GON4L: variants seen among roughly 807,000 people sequenced by gnomAD.
The protein encoded by GON4L is gon-4 like.
Under a neutral mutation model 211.8 loss-of-function variants are expected in GON4L, and 87 were observed. The ratio of observed to expected loss-of-function variants is 0.41; its 90% confidence interval spans 0.35 to 0.49. The LOEUF is 0.49. GON4L is among the 20% of genes least tolerant of loss of function. The pLI, the probability that GON4L is intolerant of heterozygous loss-of-function variation, is 0.15. For missense variants in GON4L, 2,155 were observed against 2,659.5 expected, an observed-to-expected ratio of 0.81 and a Z score of 4.17; for synonymous variants, 875 against 962.6, an observed-to-expected ratio of 0.91 and a Z score of 1.68.
In GON4L at chr1:155,757,470, A is replaced by G. The variant is rs561084975; in HGVS notation, c.5254-147T>C. 4.9e-5 allele frequency: 35 copies of G among 709,012 alleles called. No homozygotes were observed. The South Asian group carries it at 6.3e-4, about 13-fold the overall frequency. 43.9% of individuals were successfully genotyped at this position (709,012 alleles called of 1,614,324 possible). A position where few individuals can be genotyped will look rare whatever the true frequency, so the allele number is the denominator to read the frequency against. ...CTGCCTGGTAACAAAGAATACTAAA[A>G]CTTTCTCTTCCTCCTTAGCTGCCTA... On this transcript the variant is annotated intron_variant, in intron 25 of 31. Transcript: ENST00000368331.
chr1:155,830,306 C>G (rs1669637265), intron 2 of GON4L, among the ~76,000 whole-genome samples: 1 of 150,948 alleles, frequency 6.6e-6, no homozygotes, highest in South Asian at 2.1e-4. Flanking sequence ...AGACGGAGTT[C>G]CATTCTTGTT....
At chr1:155,798,974 C>T (rs1224151506) in intron 11 of GON4L, among the ~76,000 whole-genome samples, 2 of 152,146 alleles carry the variant, frequency 1.3e-5, no homozygotes, top group Admixed American at 6.5e-5. Flanking sequence ...AATATGTCCT[C>T]TGAGCTTAAT....
intron 28 of GON4L, chr1:155,754,018 T>G (rs2101627476): frequency 1.4e-5 from 5 of 361,448 alleles, no homozygotes; most frequent in South Asian, 1.1e-4. Context: ...CAACTCCTTC[T>G]CTCACCAAGA....
At position 155,775,141 on chromosome 1, in the gene GON4L, G is replaced by A. The variant is rs143524723; in HGVS notation, c.2211C>T (p.Ile737=). 15 of 1,614,078 alleles carry A rather than the reference G, an allele frequency of 9.3e-6. No homozygotes were observed. The African/African-American group carries it at 9.3e-5, about 10-fold the overall frequency. ...KELGTFAQSS[I]ALHHQYNPKF... The stretch of plus-strand genomic sequence containing the variant: ...TGGGGTTGTACTGATGGTGAAGGGC[G>A]ATGGAGCTTTGAGCAAAGGTTCCCA... The change falls in exon 17 of 32, where the codon ATC becomes ATT. Residue 737 remains isoleucine (I), a synonymous_variant. Transcript: ENST00000368331.
intron 14 of GON4L, among the ~76,000 whole-genome samples, chr1:155,778,046 TA>T (rs1179922762): frequency 6.6e-6 from 1 of 152,122 alleles, no homozygotes; most frequent in Non-Finnish European, 1.5e-5. Context: ...CCCATTCCTC[TA>T]AAATTCCTCT....
chr1:155,816,229 T>C lies in GON4L; in HGVS notation c.1048A>G (p.Lys350Glu). ...AAGTTTACCTTAATTTCATTGGCCTTCTTAATTGGTGAAATATTCCATGTT... is the reference window on the plus strand; with the variant it reads ...AAGTTTACCTTAATTTCATTGGCCTCCTTAATTGGTGAAATATTCCATGTT... The part of the protein sequence containing the change: ...IPTWNISPIK[K>E]ANEIKPPQFV... The change falls in exon 7 of 32, where the codon AAG (lysine) becomes GAG (glutamate). Residue 350 changes from lysine to glutamate, a missense_variant. This residue lies in a region of GON4L where 551 missense variants were observed against 854.0 expected (regional missense o/e 0.65). Transcript: ENST00000368331. The C allele has an allele frequency of 7.5e-7, 1 of 1,340,006 alleles. No individual in the cohort carries two copies. 83.0% of individuals were successfully genotyped at this position (1,340,006 alleles called of 1,614,324 possible).
Position 155,807,703 on chromosome 1 carries a change from C to CAAA in GON4L, c.1453-2565_1453-2563dup, listed in dbSNP as rs61248477. ...TGGGTGACAGAGCCAGACTCCGTCT[C>CAAA]AAAAAAAAAAAAAAAAAAAAAAGAA... On this transcript the variant is annotated intron_variant, in intron 10 of 31. Transcript: ENST00000368331. Among the ~76,000 whole-genome samples, 12 of 52,886 alleles carry CAAA rather than the reference C, an allele frequency of 2.3e-4. 3 individuals are homozygous for CAAA. The highest frequency in any genetic ancestry group is 3.3e-4 in the African/African-American group (4 of 12,230). 34.7% of individuals were successfully genotyped at this position (52,886 alleles called of 152,430 possible).
intron 10 of GON4L, among the ~76,000 whole-genome samples, chr1:155,809,890 A>T (rs1335847344): frequency 0.05 from 723 of 14,584 alleles, 52 homozygotes; most frequent in African/African-American, 0.1. Context: ...AATTATATAC[A>T]TATATATAAT....
intron 28 of GON4L, 152 bp downstream of exon 28, chr1:155,754,223 A>T: frequency 1.4e-6 from 1 of 699,000 alleles, no homozygotes; most frequent in East Asian, 2.7e-5. Context: ...TATTTCTAGC[A>T]GATTCCATTT....
intron 13 of GON4L, 62 bp from the exon 14 acceptor site, chr1:155,784,151 T>C (rs1377291270): frequency 8.8e-6 from 14 of 1,595,978 alleles, no homozygotes; most frequent in Middle Eastern, 1.7e-4. Flanking sequence ...TGCTCCAGTA[T>C]TGGGAAGGAA....
At chr1:155,833,724 A>G in intron 2 of GON4L, among the ~76,000 whole-genome samples, 3 of 35,264 alleles carry the variant, frequency 8.5e-5, no homozygotes, top group South Asian at 2.1e-3. Context: ...GGAAGAGGAG[A>G]GTGGGGAGGA....
At chr1:155,786,099 A>C (rs200579623) in intron 12 of GON4L, among the ~76,000 whole-genome samples, 1 of 148,888 alleles carries the variant, frequency 6.7e-6, no homozygotes, top group African/African-American at 2.5e-5. Flanking sequence ...CTGTCTCAAA[A>C]AACAACAACA....
chr1:155,799,205 C>T (rs563032353), intron 11 of GON4L, among the ~76,000 whole-genome samples: 4 of 152,140 alleles, frequency 2.6e-5, no homozygotes, highest in South Asian at 2.1e-4. Context: ...GAGGCCAAGG[C>T]GGGCGGATCA....
downstream of GON4L, among the ~76,000 whole-genome samples, chr1:155,745,513 A>G (rs1040074139): frequency 3.9e-5 from 6 of 152,366 alleles, no homozygotes; most frequent in Admixed American, 3.3e-4. Flanking sequence ...AGTACGAGGC[A>G]GAGCCTTCCG....
At chr1:155,812,099 CAT>C (rs999525709) in intron 10 of GON4L, among the ~76,000 whole-genome samples, 20 of 151,930 alleles carry the variant, frequency 1.3e-4, no homozygotes, top group African/African-American at 4.8e-4. Flanking sequence ...TATATCCCCA[CAT>C]GATATATACT....
At position 155,820,708 on chromosome 1, in the gene GON4L, G is replaced by A. The variant is rs765778466; in HGVS notation, c.964-52C>T. The A allele has an allele frequency of 2.2e-6, 3 of 1,358,688 alleles. No individual in the cohort carries two copies. The East Asian group carries it at 6.9e-5, about 31-fold the overall frequency. 84.2% of individuals were successfully genotyped at this position (1,358,688 alleles called of 1,614,324 possible). The stretch of plus-strand genomic sequence containing the variant: ...TCCTCAATAAAAATCACAGCTCAGT[G>A]AGGTGGCTCATGCCTATAATCCTAG... On this transcript the variant is annotated intron_variant, in intron 5 of 31. Coordinates refer to ENST00000368331, the MANE Select transcript of GON4L (RefSeq NM_001282860.2).
At chr1:155,840,561 C>A (rs1311975696) in intron 2 of GON4L, among the ~76,000 whole-genome samples, 1 of 152,074 alleles carries the variant, frequency 6.6e-6, no homozygotes, top group African/African-American at 2.4e-5. Flanking sequence ...CCACTGCCAG[C>A]CCTTTAAAAA....
rs1261110966 is a variant in GON4L, at chr1:155,762,176, C to T, written c.4911+14G>A. The T allele has an allele frequency of 3.5e-5, 55 of 1,590,424 alleles. No individual in the cohort carries two copies. In the Admixed American group the frequency reaches 6.0e-4, roughly 17 times the overall value. Reference sequence around the variant, plus strand: ...CATAGAGACTGGCAATAACAGGAAGCAGCATTTGCCTACCCTGGTCAGATA... The same window carrying T: ...CATAGAGACTGGCAATAACAGGAAGTAGCATTTGCCTACCCTGGTCAGATA... On this transcript the variant is annotated intron_variant, in intron 23 of 31. Transcript: ENST00000368331.
chr1:155,755,412 T>A (rs2101640839), intron 27 of GON4L, among the ~76,000 whole-genome samples: 1 of 152,162 alleles, frequency 6.6e-6, no homozygotes, highest in South Asian at 2.1e-4. Flanking sequence ...GAATTCGCAA[T>A]GTTACTCTGG....
Sources: gnomAD v4.1 joint callset for allele counts (sites outside exome capture counted in the v4.1 genomes callset) on GRCh38, gnomAD v4.1.1 for gene constraint, gnomAD v4.1.1 regional missense constraint, MANE v1.5 for transcripts, NCBI Gene and HGNC (gene_info 2026-07-23, HGNC 2026-07-21) for gene names.